The following PPP1R12B variants were observed in gnomAD, a reference collection of about 807,000 sequenced individuals.
PPP1R12B encodes protein phosphatase 1 regulatory subunit 12B.
PPP1R12B carries 76 observed loss-of-function variants against 126.1 expected under a neutral mutation model. That is an observed-to-expected ratio of 0.60 (90% CI 0.50 to 0.73). PPP1R12B has a LOEUF of 0.73. Among genes scored for constraint, PPP1R12B ranks in the 30% least tolerant of loss-of-function variants. The pLI is 0.00. For synonymous variants in PPP1R12B, 356 were observed against 434.7 expected (o/e 0.82, Z 2.25); for missense variants, 1,052 against 1,205.1 (o/e 0.87, Z 1.88).
chr1:202,444,057 C>G (rs557253154), intron 12 of PPP1R12B, among the ~76,000 whole-genome samples: 5 of 152,266 alleles, frequency 3.3e-5, no homozygotes, highest in Admixed American at 6.5e-5. Flanking sequence ...TTTATAAAAA[C>G]CTCTTATGGT....
chr1:202,388,635 A>G (rs1227494639), intron 1 of PPP1R12B, among the ~76,000 whole-genome samples: 3 of 152,216 alleles, frequency 2.0e-5, no homozygotes, highest in Non-Finnish European at 4.4e-5. Flanking sequence ...TAGTAGTACT[A>G]CAATAGTAAC....
intron 13 of PPP1R12B, among the ~76,000 whole-genome samples, chr1:202,452,896 G>A (rs116117101): frequency 2.6e-5 from 4 of 151,706 alleles, no homozygotes; most frequent in African/African-American, 9.7e-5. Context: ...CAAACTCCTG[G>A]GGTCAAGCCA....
intron 18 of PPP1R12B, among the ~76,000 whole-genome samples, chr1:202,556,013 CTACAA>C (rs1423700934): frequency 6.6e-6 from 1 of 151,850 alleles, no homozygotes; most frequent in Non-Finnish European, 1.5e-5. Flanking sequence ...GTAGCTGGGA[CTACAA>C]GCATGTGCCA....
intron 1 of PPP1R12B, among the ~76,000 whole-genome samples, chr1:202,407,165 A>G (rs890519258): frequency 2.4e-4 from 37 of 152,242 alleles, no homozygotes; most frequent in South Asian, 4.1e-4. Flanking sequence ...AGACAGCTGA[A>G]TGAGTTTTTC....
rs190657173 is a variant in PPP1R12B, at chr1:202,357,011, G to A, written c.291+7869G>A. 6.8e-3 allele frequency among the ~76,000 whole-genome samples: 1,037 copies of A among 151,986 alleles called. 4 individuals are homozygous for A. Among genetic ancestry groups the A allele is most frequent in the Non-Finnish European group, 8.7e-3 (594 of 67,976 alleles). On this transcript the variant is annotated intron_variant, in intron 1 of 23. Coordinates refer to ENST00000608999, the MANE Select transcript of PPP1R12B (RefSeq NM_002481.4). The stretch of plus-strand genomic sequence containing the variant: ...TAATTTTTGTATTTTTAGTAGAGAC[G>A]TGGTTTTGCCTTGTTGGCCAGGCTG...
chr1:202,471,472 G>A (rs1675870534), intron 13 of PPP1R12B, among the ~76,000 whole-genome samples: 1 of 151,430 alleles, frequency 6.6e-6, no homozygotes, highest in African/African-American at 2.4e-5. Flanking sequence ...GGTCTATAGG[G>A]TAAGTGCATC....
At chr1:202,473,886 C>T (rs767152583) in intron 13 of PPP1R12B, 1 of 531,292 alleles carries the variant, frequency 1.9e-6, no homozygotes, top group African/African-American at 1.9e-5. Flanking sequence ...AGCCACTTAC[C>T]TTTCTTGCTA....
chr1:202,562,672 C>T lies in PPP1R12B; in HGVS notation c.2508-106C>T, dbSNP rs1202932358. ...TGTTATGAGTTGTTTCTGGCCAGGG[C>T]TCCGAAATACTTCTTAGAAAAGGCG... On this transcript the variant is annotated intron_variant, in intron 19 of 23. Coordinates refer to ENST00000608999, the MANE Select transcript of PPP1R12B (RefSeq NM_002481.4). 4 of 1,235,356 alleles carry T rather than the reference C, an allele frequency of 3.2e-6. No individual in the cohort carries two copies. In the African/African-American group the frequency reaches 5.9e-5, roughly 18 times the overall value. The allele number at this position is 1,235,356 out of a possible 1,614,324, so 76.5% of individuals were successfully genotyped here.
chr1:202,382,720 T>C (rs1316558408), intron 1 of PPP1R12B, among the ~76,000 whole-genome samples: 1 of 151,418 alleles, frequency 6.6e-6, no homozygotes, highest in East Asian at 1.9e-4. Context: ...CTACTAAAAA[T>C]AAAAAAATTA....
At chr1:202,377,785 G>C (rs549370551) in intron 1 of PPP1R12B, among the ~76,000 whole-genome samples, 7 of 148,282 alleles carry the variant, frequency 4.7e-5, no homozygotes, top group Non-Finnish European at 8.9e-5. Flanking sequence ...AGGATGTTGA[G>C]ACTTACTGAT....
At chr1:202,564,040 A>G (rs750436832) in intron 20 of PPP1R12B, among the ~76,000 whole-genome samples, 2 of 152,204 alleles carry the variant, frequency 1.3e-5, no homozygotes, top group Non-Finnish European at 2.9e-5. Flanking sequence ...AGCCTGGGTA[A>G]CAGAGCAAGA....
Position 202,582,584 on chromosome 1 carries a change from G to A in PPP1R12B, c.*2024G>A, listed in dbSNP as rs144925258. 1 of 152,710 alleles carries A rather than the reference G, an allele frequency of 6.5e-6. No individual in the cohort carries two copies. Among genetic ancestry groups the A allele is most frequent in the Non-Finnish European group, 1.5e-5 (1 of 68,052 alleles). The allele number at this position is 152,710 out of a possible 1,614,324, so 9.5% of individuals were successfully genotyped here. ...CCACATGCTGTTTAAACTAGAAGCT[G>A]TAATTCAAGATCCCAATTCCACCAG... On this transcript the variant is annotated 3_prime_UTR_variant, in exon 24 of 24. Transcript: ENST00000608999.
intron 1 of PPP1R12B, among the ~76,000 whole-genome samples, chr1:202,395,069 A>T (rs1664745751): frequency 7.1e-6 from 1 of 140,108 alleles, no homozygotes; most frequent in African/African-American, 2.6e-5. Flanking sequence ...TTGAGTTGAG[A>T]TGATGCCACT....
chr1:202,491,800 TGAG>T (rs1678919355), intron 14 of PPP1R12B, among the ~76,000 whole-genome samples: 1 of 152,228 alleles, frequency 6.6e-6, no homozygotes, highest in Non-Finnish European at 1.5e-5. Context: ...ACATAATTTT[TGAG>T]GAGATTTTAT....
intron 13 of PPP1R12B, among the ~76,000 whole-genome samples, chr1:202,478,991 A>G (rs972268350): frequency 1.3e-5 from 2 of 152,206 alleles, no homozygotes; most frequent in African/African-American, 4.8e-5. Flanking sequence ...GTGATACTGT[A>G]TGTTTTGCAG....
chr1:202,528,964 G>A lies in PPP1R12B; in HGVS notation c.2491-29913G>A, dbSNP rs536198822. ...TCTCTCCCGACAGAACCTTAAGGAA[G>A]GGGACAAAGTGATCTCCAATGGAAA... On this transcript the variant is annotated intron_variant, in intron 18 of 23. Transcript: ENST00000608999. 1.2e-4 allele frequency among the ~76,000 whole-genome samples: 18 copies of A among 152,112 alleles called. 1 individual carries two copies. The South Asian group carries it at 3.5e-3, about 30-fold the overall frequency.
chr1:202,563,303 G>T (rs574461018), intron 20 of PPP1R12B, among the ~76,000 whole-genome samples: 13 of 152,046 alleles, frequency 8.6e-5, no homozygotes, highest in Non-Finnish European at 1.8e-4. Context: ...TTTTTATGGA[G>T]ATTGGATCTC....
At position 202,591,095 on chromosome 1, in the gene PPP1R12B, G is replaced by C. The variant is rs904883010; in HGVS notation, c.*10535G>C. 2 of 152,264 alleles carry C rather than the reference G, an allele frequency of 1.3e-5. No individual in the cohort carries two copies. Among genetic ancestry groups the C allele is most frequent in the African/African-American group, 4.8e-5 (2 of 41,440 alleles). 9.4% of individuals were successfully genotyped at this position (152,264 alleles called of 1,614,324 possible). A position where few individuals can be genotyped will look rare whatever the true frequency, so the allele number is the denominator to read the frequency against. On this transcript the variant is annotated 3_prime_UTR_variant, in exon 24 of 24. Transcript: ENST00000608999. ...CCCCAGAGAGAGCTGGAGGAAGCAA[G>C]ACATGTCTTCACTGGTCCAAGCACC...
At chr1:202,490,855 C>T (rs1211720663) in intron 14 of PPP1R12B, among the ~76,000 whole-genome samples, 1 of 152,134 alleles carries the variant, frequency 6.6e-6, no homozygotes, top group Non-Finnish European at 1.5e-5. Flanking sequence ...TTTTGTATAT[C>T]CATTCATCTG....
Sources: allele counts gnomAD v4.1 joint callset (sites outside exome capture counted in the v4.1 genomes callset), GRCh38; gene constraint gnomAD v4.1.1; transcripts MANE v1.5; gene names NCBI Gene and HGNC (gene_info 2026-07-23, HGNC 2026-07-21).